The following GRM7 variants were observed in gnomAD, a reference collection of about 807,000 sequenced individuals.
The protein encoded by GRM7 is glutamate metabotropic receptor 7, also known as metabotropic glutamate receptor 7.
A neutral mutation model predicts 84.5 loss-of-function variants in GRM7; 35 were observed. The ratio of observed to expected loss-of-function variants is 0.41; its 90% confidence interval spans 0.32 to 0.55. The LOEUF (loss-of-function observed/expected upper bound fraction) is 0.55, where lower values mean the gene tolerates loss of function less well. GRM7 is among the 20% of genes least tolerant of loss of function. The pLI, the probability that GRM7 is intolerant of heterozygous loss-of-function variation, is 0.19. For missense variants in GRM7, 1,003 were observed against 1,194.6 expected, an observed-to-expected ratio of 0.84 and a Z score of 2.36; for synonymous variants, 487 against 455.1, an observed-to-expected ratio of 1.07 and a Z score of -0.89.
intron 8 of GRM7, among the ~76,000 whole-genome samples, chr3:7,663,782 A>G (rs1699565095): frequency 6.6e-6 from 1 of 152,226 alleles, no homozygotes; most frequent in African/African-American, 2.4e-5. Context: ...CTCAAAGGCA[A>G]GGTGAAGATA....
intron 2 of GRM7, among the ~76,000 whole-genome samples, chr3:7,198,268 C>T (rs908038366): frequency 6.6e-6 from 1 of 151,682 alleles, no homozygotes; most frequent in Non-Finnish European, 1.5e-5. Context: ...TCATGGTGTG[C>T]AAAAGAAGCC....
At chr3:7,256,883 T>C (rs1698229226) in intron 2 of GRM7, among the ~76,000 whole-genome samples, 1 of 152,088 alleles carries the variant, frequency 6.6e-6, no homozygotes, top group Admixed American at 6.5e-5. Flanking sequence ...TAAGATAAAG[T>C]GATTAATTTT....
intron 4 of GRM7, among the ~76,000 whole-genome samples, chr3:7,337,553 C>T (rs1279851344): frequency 6.6e-6 from 1 of 151,718 alleles, no homozygotes; most frequent in African/African-American, 2.4e-5. Context: ...ATAAGGAACT[C>T]AAATCAACAG....
chr3:7,441,368 T>A (rs2124871479), intron 5 of GRM7, among the ~76,000 whole-genome samples: 1 of 152,294 alleles, frequency 6.6e-6, no homozygotes, highest in South Asian at 2.1e-4. Context: ...TTATTTAAGT[T>A]CATTATAGAT....
chr3:7,622,436 G>A (rs1697401437), intron 8 of GRM7, among the ~76,000 whole-genome samples: 1 of 152,056 alleles, frequency 6.6e-6, no homozygotes, highest in African/African-American at 2.4e-5. Flanking sequence ...CTACAATGAT[G>A]AGTGAAATAG....
At chr3:7,085,103 A>G (rs1559429033) in intron 1 of GRM7, among the ~76,000 whole-genome samples, 1 of 152,160 alleles carries the variant, frequency 6.6e-6, no homozygotes, top group Non-Finnish European at 1.5e-5. Context: ...ATTGAGTGGC[A>G]TTTTAATGGC....
intron 4 of GRM7, among the ~76,000 whole-genome samples, chr3:7,327,031 A>G (rs9811820): frequency 0.054 from 8,286 of 152,260 alleles, 534 homozygotes; most frequent in African/African-American, 0.16. Flanking sequence ...TCTCTTGTTC[A>G]TCACTAGCAT....
intron 2 of GRM7, among the ~76,000 whole-genome samples, chr3:7,293,637 T>A (rs554794840): frequency 6.6e-6 from 1 of 152,198 alleles, no homozygotes; most frequent in African/African-American, 2.4e-5. Context: ...ATTTTCCGTG[T>A]GTCAGAGGGA....
At chr3:7,448,070 G>C (rs1697600695) in intron 5 of GRM7, among the ~76,000 whole-genome samples, 1 of 151,762 alleles carries the variant, frequency 6.6e-6, no homozygotes, top group Non-Finnish European at 1.5e-5. Flanking sequence ...CCCTACAAAG[G>C]ACATGAACTC....
At chr3:7,389,621 T>C (rs1201667513) in intron 4 of GRM7, among the ~76,000 whole-genome samples, 1 of 152,070 alleles carries the variant, frequency 6.6e-6, no homozygotes, top group Non-Finnish European at 1.5e-5. Flanking sequence ...CCCTTCTTTG[T>C]CCTTTTTTTC....
chr3:7,024,982 C>T (rs1488050002), intron 1 of GRM7, among the ~76,000 whole-genome samples: 1 of 152,170 alleles, frequency 6.6e-6, no homozygotes, highest in African/African-American at 2.4e-5. Flanking sequence ...GTTGGCAGGG[C>T]AGTGTTCCAA....
intron 8 of GRM7, 46 bp downstream of exon 8, chr3:7,579,403 A>T: frequency 8.5e-7 from 1 of 1,181,324 alleles, no homozygotes; most frequent in South Asian, 1.6e-5. Flanking sequence ...AAATGTGTTC[A>T]TTTTTGTAAG....
intron 8 of GRM7, among the ~76,000 whole-genome samples, chr3:7,666,804 A>G (rs1021021735): frequency 6.6e-6 from 1 of 152,144 alleles, no homozygotes; most frequent in Non-Finnish European, 1.5e-5. Flanking sequence ...TATTACAGGT[A>G]AGATTAGCCA....
intron 1 of GRM7, among the ~76,000 whole-genome samples, chr3:7,145,743 G>T (rs1366525545): frequency 6.6e-6 from 1 of 152,082 alleles, no homozygotes; most frequent in Non-Finnish European, 1.5e-5. Context: ...GAAGGGAAAA[G>T]ATAGAAATCA....
intron 1 of GRM7, among the ~76,000 whole-genome samples, chr3:6,906,724 C>G (rs1487304370): frequency 6.6e-6 from 1 of 152,038 alleles, no homozygotes; most frequent in Non-Finnish European, 1.5e-5. Flanking sequence ...TACAGTGTGT[C>G]TCATTTATAC....
At chr3:7,152,318 C>G (rs1694311014) in intron 2 of GRM7, among the ~76,000 whole-genome samples, 1 of 152,156 alleles carries the variant, frequency 6.6e-6, no homozygotes, top group African/African-American at 2.4e-5. Context: ...AGAATAATCC[C>G]TCCAATATAG....
At position 7,380,110 on chromosome 3, in the gene GRM7, T is replaced by C. The variant is rs549508204; in HGVS notation, c.1034-34913T>C. ...TAGAATGGCTTGGCTTGGCTTGAAA[T>C]ATGGGAGGTCCATATTTAGTTGCTA... On this transcript the variant is annotated intron_variant, in intron 4 of 9. Transcript: ENST00000357716. Among the ~76,000 whole-genome samples the C allele has an allele frequency of 7.6e-4, 116 of 152,274 alleles. 1 individual carries two copies. The highest frequency in any genetic ancestry group is 2.7e-3 in the African/African-American group (111 of 41,562).
intron 7 of GRM7, among the ~76,000 whole-genome samples, chr3:7,473,866 A>G (rs1009922108): frequency 2.6e-5 from 4 of 152,214 alleles, no homozygotes; most frequent in Non-Finnish European, 5.9e-5. Flanking sequence ...AAACCATTAA[A>G]TTATTTGTAA....
intron 7 of GRM7, among the ~76,000 whole-genome samples, chr3:7,510,450 G>C (rs554231530): frequency 3.9e-4 from 60 of 152,104 alleles, no homozygotes; most frequent in Non-Finnish European, 7.5e-4. Flanking sequence ...GAGTATAAAA[G>C]GTACTCAACA....
Sources: allele counts gnomAD v4.1 joint callset (sites outside exome capture counted in the v4.1 genomes callset), GRCh38; gene constraint gnomAD v4.1.1; transcripts MANE v1.5; gene names NCBI Gene and HGNC (gene_info 2026-07-23, HGNC 2026-07-21).